Variants in HMGA2 observed in about 807,000 individuals in gnomAD.
HMGA2 encodes the protein high mobility group protein HMGI-C.
HMGA2 carries 8 observed loss-of-function variants against 19.1 expected under a neutral mutation model. The ratio of observed to expected loss-of-function variants is 0.42; its 90% CI spans 0.25 to 0.76. The LOEUF is 0.76. HMGA2 is among the 30% of genes least tolerant of loss of function. HMGA2 has a pLI of 0.28. For missense variants in HMGA2, 109 were observed against 136.3 expected (o/e 0.80, Z 1.00); for synonymous variants, 60 against 48.8 (o/e 1.23, Z -0.96).
chr12:65,929,899 T>C (rs1247104181), intron 3 of HMGA2, among the ~76,000 whole-genome samples: 1 of 151,944 alleles, frequency 6.6e-6, no homozygotes, highest in Non-Finnish European at 1.5e-5. Context: ...TCAAGACAGA[T>C]GGCTTTAATA....
intron 3 of HMGA2, among the ~76,000 whole-genome samples, chr12:65,872,338 A>G (rs1282869490): frequency 6.6e-6 from 1 of 152,056 alleles, no homozygotes; most frequent in Non-Finnish European, 1.5e-5. Context: ...TCTTGTCAAG[A>G]AGTTCCTTGC....
intron 3 of HMGA2, among the ~76,000 whole-genome samples, chr12:65,849,480 C>G (rs950954494): frequency 2.6e-5 from 4 of 152,272 alleles, no homozygotes; most frequent in South Asian, 2.1e-4. Context: ...TAAAATTTCT[C>G]TTTTAAGAGA....
rs1012064553 is a variant in HMGA2, at chr12:65,893,352, G to A, written c.249+54783G>A. ...ACAGGGTACTCCAGAATTCAACAAG[G>A]CCAAATGGATACATGCGAAAAGAAC... On this transcript the variant is annotated intron_variant, in intron 3 of 4. Coordinates refer to ENST00000403681, the MANE Select transcript of HMGA2 (RefSeq NM_003483.6). 2.8e-4 allele frequency among the ~76,000 whole-genome samples: 42 copies of A among 152,136 alleles called. 1 individual carries two copies. The highest frequency in any genetic ancestry group is 5.0e-4 in the Non-Finnish European group (34 of 68,022).
rs377368108 is a variant in HMGA2, at chr12:65,843,700, G to GCA, written c.249+5146_249+5147dup. Among the ~76,000 whole-genome samples the GCA allele has an allele frequency of 5.1e-3, 712 of 139,090 alleles. 5 individuals carry two copies. The highest frequency in any genetic ancestry group is 0.017 in the African/African-American group (624 of 36,714). 91.2% of individuals were successfully genotyped at this position (139,090 alleles called of 152,430 possible). On this transcript the variant is annotated intron_variant, in intron 3 of 4. Coordinates refer to ENST00000403681, the MANE Select transcript of HMGA2 (RefSeq NM_003483.6). The stretch of plus-strand genomic sequence containing the variant: ...CACACACACACACACACACACACAA[G>GCA]CACACACACACACACAAAACAAAAA...
Position 65,921,394 on chromosome 12 carries a change from GC to G in HMGA2, c.250-29986del, listed in dbSNP as rs1269692570. On this transcript the variant is annotated intron_variant, in intron 3 of 4. Transcript: ENST00000403681. ...CCTGCCTCAGCCTGGGACTACAGGT[GC>G]CCGTCACCATGCCTGGCTAATTTTT... is the stretch of plus-strand genomic sequence containing the variant. Among the ~76,000 whole-genome samples the G allele has an allele frequency of 3.9e-5, 6 of 152,152 alleles. No individual in the cohort carries two copies. The South Asian group carries it at 1.0e-3, about 26-fold the overall frequency.
chr12:65,882,697 G>A (rs540553786), intron 3 of HMGA2, among the ~76,000 whole-genome samples: 22 of 152,232 alleles, frequency 1.4e-4, no homozygotes, highest in Non-Finnish European at 2.9e-4. Context: ...ACAATTAAAT[G>A]AGAAAGCATA....
rs551361774 is a variant in HMGA2, at chr12:65,901,842, C to T, written c.250-49541C>T. On this transcript the variant is annotated intron_variant, in intron 3 of 4. Transcript: ENST00000403681. ...GTCCTATTTTTAGATCCTTGTTATT[C>T]GAAGGACACAAGCAGAACTTTTCAA... is the stretch of plus-strand genomic sequence containing the variant. Among the ~76,000 whole-genome samples, 267 of 152,012 alleles carry T rather than the reference C, an allele frequency of 1.8e-3. 5 individuals carry two copies. The South Asian group carries it at 0.028, about 16-fold the overall frequency.
chr12:65,873,145 G>T (rs576857379), intron 3 of HMGA2, among the ~76,000 whole-genome samples: 1 of 152,046 alleles, frequency 6.6e-6, no homozygotes, highest in Non-Finnish European at 1.5e-5. Flanking sequence ...ACTTTTACCC[G>T]TCTACTATAA....
intron 3 of HMGA2, chr12:65,876,949 T>TG (rs1592411792): frequency 1.3e-5 from 2 of 152,286 alleles, no homozygotes; most frequent in South Asian, 2.1e-4. Context: ...AGGGTGGATG[T>TG]GGGGGGTGTG....
rs574183135 is a variant in HMGA2 at position 65,871,766 on chromosome 12, T to G, written c.249+33197T>G. On this transcript the variant is annotated intron_variant, in intron 3 of 4. Coordinates refer to ENST00000403681, the MANE Select transcript of HMGA2 (RefSeq NM_003483.6). ...AATGTCACATGGGCTTCTTAAGACC[T>G]CTTAAAAATCACTTCCAGTTTGACT... Among the ~76,000 whole-genome samples, 13 of 152,334 alleles carry G rather than the reference T, an allele frequency of 8.5e-5. 1 individual carries two copies. Among genetic ancestry groups the G allele is most frequent in the African/African-American group, 3.1e-4 (13 of 41,572 alleles).
rs142226885 is a variant in HMGA2, at chr12:65,831,287, T to C, written c.198+3200T>C. ...TAATCTCCTTTAGTTTAGGGTTTTG[T>C]TGTACTTTTTTAATCATGACAGAAT... On this transcript the variant is annotated intron_variant, in intron 2 of 4. Transcript: ENST00000403681. Among the ~76,000 whole-genome samples, 25 of 151,970 alleles carry C rather than the reference T, an allele frequency of 1.6e-4. No individual in the cohort carries two copies. In the East Asian group the frequency reaches 4.4e-3, roughly 27 times the overall value.
intron 3 of HMGA2, among the ~76,000 whole-genome samples, chr12:65,840,284 T>A (rs1470429509): frequency 6.6e-6 from 1 of 152,178 alleles, no homozygotes; most frequent in Admixed American, 6.5e-5. Flanking sequence ...GGGTCAAGGA[T>A]AGGCAGGGTA....
chr12:65,825,150 G>C lies in HMGA2; in HGVS notation c.-121G>C. 1.3e-6 allele frequency: 1 copy of C among 784,822 alleles called. No homozygotes were observed. The highest frequency in any genetic ancestry group is 1.9e-6 in the Non-Finnish European group (1 of 524,424). 48.6% of individuals were successfully genotyped at this position (784,822 alleles called of 1,614,324 possible). On this transcript the variant is annotated 5_prime_UTR_variant, in exon 1 of 5. Coordinates refer to ENST00000403681, the MANE Select transcript of HMGA2 (RefSeq NM_003483.6). This position sits in a 1 kb window ranked among gnomAD's most constrained non-coding sequence, Gnocchi z 4.4. ...CAACAGCAGCCCTCGCAGCCCGCCA[G>C]CTCGCGCTCGCCCCGCCGGCGTCCC...
At chr12:65,858,328 TCA>T (rs1871851693) in intron 3 of HMGA2, 1 of 150,998 alleles carries the variant, frequency 6.6e-6, no homozygotes, top group Non-Finnish European at 1.5e-5. Context: ...TCTACCTTTC[TCA>T]TTTACAAAAA....
rs1373335885 is a variant in HMGA2 at position 65,914,969 on chromosome 12, C to G, written c.250-36414C>G. 7.0e-6 allele frequency: 11 copies of G among 1,567,144 alleles called. No homozygotes were observed. In the African/African-American group the frequency reaches 1.2e-4, roughly 17 times the overall value. On this transcript the variant is annotated intron_variant, in intron 3 of 4. Transcript: ENST00000403681. ...GGAATACAGGCGTGAGCCATCGTGC[C>G]TGGTCTAAAAAATGTCTATTAGTGT...
At chr12:65,948,988 TA>T (rs1199054148) in intron 3 of HMGA2, among the ~76,000 whole-genome samples, 1 of 151,928 alleles carries the variant, frequency 6.6e-6, no homozygotes, top group Non-Finnish European at 1.5e-5. Flanking sequence ...GGTTTGGGAG[TA>T]AACATGTGTA....
At chr12:65,833,017 C>T (rs1174167077) in intron 2 of HMGA2, among the ~76,000 whole-genome samples, 1 of 151,828 alleles carries the variant, frequency 6.6e-6, no homozygotes, top group Non-Finnish European at 1.5e-5. Context: ...TAAGCATGTG[C>T]AAAATAAGGA....
intron 3 of HMGA2, among the ~76,000 whole-genome samples, chr12:65,883,629 T>C (rs1016573351): frequency 6.6e-6 from 1 of 152,252 alleles, no homozygotes; most frequent in Non-Finnish European, 1.5e-5. Context: ...TTAATGTCTA[T>C]GCACTGCTTT....
chr12:65,921,264 T>A (rs1875296996), intron 3 of HMGA2, among the ~76,000 whole-genome samples: 1 of 152,212 alleles, frequency 6.6e-6, no homozygotes. Flanking sequence ...TTTTTGTTTT[T>A]GTTTTTGTTT....
Sources: allele counts gnomAD v4.1 joint callset (sites outside exome capture counted in the v4.1 genomes callset), GRCh38; gene constraint gnomAD v4.1.1; non-coding constraint Gnocchi (gnomAD v3.1); transcripts MANE v1.5; gene names NCBI Gene and HGNC (gene_info 2026-07-23, HGNC 2026-07-21).